Variants in EML4 observed in about 807,000 individuals in gnomAD.
The protein encoded by EML4 is echinoderm microtubule-associated protein-like 4.
In EML4, 72 loss-of-function variants were observed where a neutral mutation model predicts 129.0. The ratio of observed to expected loss-of-function variants is 0.56; its 90% CI spans 0.46 to 0.68. EML4 has a LOEUF of 0.68. Ranked by LOEUF, EML4 falls within the 30% of genes least tolerant of loss-of-function variation. The pLI, the probability that EML4 is intolerant of heterozygous loss-of-function variation, is 0.00. For synonymous variants in EML4, 532 were observed against 405.0 expected, an observed-to-expected ratio of 1.31 and a Z score of -3.77; for missense variants, 1,363 against 1,190.6, an observed-to-expected ratio of 1.14 and a Z score of -2.13.
chr2:42,170,319 G>GGGACC (rs1436947317), intron 1 of EML4: 1 of 152,260 alleles, frequency 6.6e-6, no homozygotes, highest in African/African-American at 2.4e-5. Flanking sequence ...TCTGTGTTGG[G>GGGACC]GGACCCTCTT....
At chr2:42,247,643 A>G (rs924238194) in intron 2 of EML4, among the ~76,000 whole-genome samples, 24 of 152,256 alleles carry the variant, frequency 1.6e-4, no homozygotes, top group African/African-American at 5.3e-4. Context: ...ATAAAGTGTT[A>G]TATTATGCTT....
chr2:42,208,169 C>G (rs1355135007), intron 1 of EML4: 2 of 152,052 alleles, frequency 1.3e-5, no homozygotes, highest in African/African-American at 2.4e-5. Flanking sequence ...GGAGGGAGGT[C>G]TTATGTCTTC....
At chr2:42,242,767 CT>C (rs1404853968) in intron 1 of EML4, among the ~76,000 whole-genome samples, 1 of 134,752 alleles carries the variant, frequency 7.4e-6, no homozygotes, top group Non-Finnish European at 1.6e-5. Flanking sequence ...TTTCTCTTTT[CT>C]TTTTTCTTTT....
chr2:42,283,114 TA>T, intron 8 of EML4, 142 bp downstream of exon 8: 1 of 838,518 alleles, frequency 1.2e-6, no homozygotes. Flanking sequence ...GAATATATTT[TA>T]AAAAGAAAAA....
intron 6 of EML4, among the ~76,000 whole-genome samples, chr2:42,279,847 G>A (rs1266200785): frequency 1.3e-5 from 2 of 151,702 alleles, no homozygotes; most frequent in African/African-American, 2.4e-5. Context: ...CATTGTGATT[G>A]TGATCTGCAT....
intron 13 of EML4, 73 bp downstream of exon 13, chr2:42,295,589 C>T (rs1667902094): frequency 2.7e-5 from 37 of 1,373,244 alleles, no homozygotes; most frequent in Non-Finnish European, 3.4e-5. Flanking sequence ...TCTCTTAGAC[C>T]AGGAGAGAAA....
rs58306857 is a variant in EML4, at chr2:42,241,874, CG to C, written c.26-3622del. ...AGATTGTGTGTGTATGTGTGTGTGTCGGGGGGGGGAAGCTGAGGTAATAAAT... is the reference window on the plus strand; with the variant it reads ...AGATTGTGTGTGTATGTGTGTGTGTCGGGGGGGGAAGCTGAGGTAATAAAT... On this transcript the variant is annotated intron_variant, in intron 1 of 22. Transcript: ENST00000318522. 1.7e-3 allele frequency among the ~76,000 whole-genome samples: 243 copies of C among 144,930 alleles called. 3 individuals carry two copies. Among genetic ancestry groups the C allele is most frequent in the East Asian group, 0.012 (62 of 4,992 alleles).
chr2:42,329,917 G>C lies in EML4; in HGVS notation c.2656G>C (p.Val886Leu). 6.2e-7 allele frequency: 1 copy of C among 1,613,856 alleles called. No individual in the cohort carries two copies. Among genetic ancestry groups the C allele is most frequent in the Non-Finnish European group, 8.5e-7 (1 of 1,179,992 alleles). Reference protein sequence around the residue: ...VADTTLTKAPVSSTESVIQSN... With the variant: ...VADTTLTKAPLSSTESVIQSN... ...GGATACTACTCTAACCAAAGCCCCC[G>C]TCTCTTCCACTGAAAGTGTCATCCA... is the stretch of plus-strand genomic sequence containing the variant. Residue 886 changes from valine to leucine, a missense_variant, in exon 23 of 23, where the codon GTC (valine) becomes CTC (leucine). Coordinates refer to ENST00000318522, the MANE Select transcript of EML4 (RefSeq NM_019063.5).
At chr2:42,234,374 C>G (rs543257897) in intron 1 of EML4, among the ~76,000 whole-genome samples, 2 of 152,294 alleles carry the variant, frequency 1.3e-5, no homozygotes. Context: ...GTTTATATTG[C>G]TTACAACATC....
intron 19 of EML4, chr2:42,319,475 A>C (rs1275262765): frequency 6.6e-6 from 1 of 152,216 alleles, no homozygotes; most frequent in Non-Finnish European, 1.5e-5. Context: ...TTGAGGTTGT[A>C]ATGAAAGGTT....
At chr2:42,268,381 A>T (rs1558558960) in intron 6 of EML4, among the ~76,000 whole-genome samples, 1 of 152,144 alleles carries the variant, frequency 6.6e-6, no homozygotes, top group Non-Finnish European at 1.5e-5. Flanking sequence ...TCTGCAGGAG[A>T]TCCTAGAACC....
At chr2:42,246,891 TC>T (rs1397686187) in intron 2 of EML4, among the ~76,000 whole-genome samples, 2 of 152,126 alleles carry the variant, frequency 1.3e-5, no homozygotes, top group Non-Finnish European at 2.9e-5. Context: ...TAGAAACCTC[TC>T]CAAAAGCAAT....
At chr2:42,225,966 A>T (rs141208016) in intron 1 of EML4, among the ~76,000 whole-genome samples, 33 of 152,282 alleles carry the variant, frequency 2.2e-4, no homozygotes, top group Admixed American at 9.8e-4. Flanking sequence ...TTTTACAAAC[A>T]TCTAAAAATT....
At chr2:42,219,874 C>A (rs1405837471) in intron 1 of EML4, among the ~76,000 whole-genome samples, 5 of 150,644 alleles carry the variant, frequency 3.3e-5, no homozygotes, top group Admixed American at 6.6e-5. Context: ...TGCAGTGAGC[C>A]AAGATCGTGC....
intron 7 of EML4, among the ~76,000 whole-genome samples, chr2:42,281,398 A>G (rs1027303345): frequency 1.4e-5 from 1 of 70,696 alleles, no homozygotes; most frequent in Non-Finnish European, 2.8e-5. Context: ...GTCTCAAAAG[A>G]AAAAAAAAAA....
At chr2:42,311,253 A>T (rs1668928450) in intron 17 of EML4, among the ~76,000 whole-genome samples, 1 of 152,240 alleles carries the variant, frequency 6.6e-6, no homozygotes, top group Non-Finnish European at 1.5e-5. Context: ...GTCTTAAAAC[A>T]GCATTAGTTA....
intron 1 of EML4, among the ~76,000 whole-genome samples, chr2:42,230,545 T>C (rs1674267099): frequency 1.3e-5 from 2 of 152,190 alleles, no homozygotes; most frequent in Admixed American, 6.5e-5. Context: ...TAGCTGGGAC[T>C]ACAGGTGTGT....
chr2:42,256,304 T>A (rs1451207749), intron 2 of EML4, among the ~76,000 whole-genome samples, 197 bp from the exon 3 acceptor site: 1 of 152,204 alleles, frequency 6.6e-6, no homozygotes, highest in Non-Finnish European at 1.5e-5. Flanking sequence ...CCTATAGGTC[T>A]GTTTCGATGG....
rs765916018 is a variant in EML4, at chr2:42,208,444, CT to C, written c.26-37049del. Reference sequence around the variant, plus strand: ...CCTTTAATTTTTTTTCTTTTCTTTTCTTTTTTTTTTTTGAGACAGAATCTCT... The same window carrying C: ...CCTTTAATTTTTTTTCTTTTCTTTTCTTTTTTTTTTTGAGACAGAATCTCT... On this transcript the variant is annotated intron_variant, in intron 1 of 22. Coordinates refer to ENST00000318522, the MANE Select transcript of EML4 (RefSeq NM_019063.5). 5.7e-3 allele frequency among the ~76,000 whole-genome samples: 793 copies of C among 139,398 alleles called. 1 individual carries two copies. The highest frequency in any genetic ancestry group is 0.019 in the African/African-American group (712 of 38,364). 91.5% of individuals were successfully genotyped at this position (139,398 alleles called of 152,430 possible).
Sources: allele counts gnomAD v4.1 joint callset (sites outside exome capture counted in the v4.1 genomes callset), GRCh38; gene constraint gnomAD v4.1.1; transcripts MANE v1.5; gene names NCBI Gene and HGNC (gene_info 2026-07-23, HGNC 2026-07-21).